MRAP2: variants seen among roughly 807,000 people sequenced by gnomAD.
MRAP2 encodes the protein melanocortin-2 receptor accessory protein 2.
A neutral mutation model predicts 17.4 loss-of-function variants in MRAP2; 20 were observed. The ratio of observed to expected loss-of-function variants is 1.15; its 90% CI spans 0.81 to 1.67. MRAP2 has a LOEUF of 1.67. MRAP2 is among the 40% of genes most tolerant of loss of function. MRAP2 has a pLI of 0.00. For synonymous variants in MRAP2, 96 were observed against 88.4 expected (o/e 1.09, Z -0.48); for missense variants, 238 against 240.0 (o/e 0.99, Z 0.05).
the MRAP2 span, among the ~76,000 whole-genome samples, chr6:84,140,538 T>G: frequency 6.6e-6 from 1 of 151,322 alleles, no homozygotes; most frequent in East Asian, 1.9e-4. Flanking sequence ...TTTTGTTTGT[T>G]TTTCGTAGAG....
At chr6:84,118,900 T>C in the MRAP2 span, among the ~76,000 whole-genome samples, 1 of 152,264 alleles carries the variant, frequency 6.6e-6, no homozygotes, top group Non-Finnish European at 1.5e-5. Flanking sequence ...TTCTTCTGCA[T>C]GTGGATATCT....
At chr6:84,134,334 C>T in the MRAP2 span, among the ~76,000 whole-genome samples, 30 of 152,222 alleles carry the variant, frequency 2.0e-4, no homozygotes, top group South Asian at 6.2e-4. Context: ...CACTTGGCTC[C>T]CTGGCTTCAA....
At chr6:84,105,769 G>C in the MRAP2 span, among the ~76,000 whole-genome samples, 1 of 152,022 alleles carries the variant, frequency 6.6e-6, no homozygotes, top group South Asian at 2.1e-4. Flanking sequence ...GGCATGAGGA[G>C]CCCAAAGTAG....
intron 1 of MRAP2, among the ~76,000 whole-genome samples, chr6:84,034,641 C>T (rs2099485501): frequency 6.6e-6 from 1 of 151,888 alleles, no homozygotes; most frequent in Non-Finnish European, 1.5e-5. Flanking sequence ...CACAGAATCT[C>T]AGCCACTACT....
chr6:84,124,879 T>G, the MRAP2 span: 1 of 587,378 alleles, frequency 1.7e-6, no homozygotes, highest in Non-Finnish European at 2.9e-6. Flanking sequence ...GTTAATGATT[T>G]TTAGTAAAAT....
At chr6:84,059,341 TG>T (rs899771765) in intron 2 of MRAP2, among the ~76,000 whole-genome samples, 1 of 152,160 alleles carries the variant, frequency 6.6e-6, no homozygotes, top group African/African-American at 2.4e-5. Context: ...GAGACAAGTG[TG>T]GGAACATCAC....
At chr6:84,094,862 A>AG (rs2099502397), downstream of MRAP2, among the ~76,000 whole-genome samples, 1 of 151,654 alleles carries the variant, frequency 6.6e-6, no homozygotes. Context: ...TGGCCAGATA[A>AG]TTTTTTTTCT....
intron 3 of MRAP2, among the ~76,000 whole-genome samples, chr6:84,077,770 G>A (rs1179168779): frequency 6.6e-6 from 1 of 152,036 alleles, no homozygotes; most frequent in Non-Finnish European, 1.5e-5. Context: ...TGGTCTAACT[G>A]GATAAACATA....
the MRAP2 span, chr6:84,124,628 A>G: frequency 4.9e-6 from 1 of 204,994 alleles, no homozygotes; most frequent in Non-Finnish European, 9.6e-6. Flanking sequence ...TGTTGGGTAC[A>G]GTGTTTAATA....
Position 84,089,088 on chromosome 6 carries a change from T to A in MRAP2, c.228-3T>A. On this transcript the variant is annotated splice_region_variant and splice_polypyrimidine_tract_variant and intron_variant, in intron 3 of 3. Transcript: ENST00000257776. ...CAGTCTTTTATTTTCTTTTTTTAAA[T>A]AGCAATGCAGAGTCCTCAGAGAAGA... 1 of 1,594,534 alleles carries A rather than the reference T, an allele frequency of 6.3e-7. No individual in the cohort carries two copies. Among genetic ancestry groups the A allele is most frequent in the Non-Finnish European group, 8.5e-7 (1 of 1,172,562 alleles).
the MRAP2 span, among the ~76,000 whole-genome samples, chr6:84,117,642 GGTGTGTGTCTGTGTGTGTGTGT>G: frequency 0.026 from 3,660 of 140,962 alleles, 141 homozygotes; most frequent in African/African-American, 0.1. Context: ...TTGGATGTGG[GGTGTGTGTCTGTGTGTGTGTGT>G]GTGTGTGTGT....
At chr6:84,100,611 A>G in the MRAP2 span, among the ~76,000 whole-genome samples, 32 of 152,146 alleles carry the variant, frequency 2.1e-4, no homozygotes, top group African/African-American at 7.2e-4. Flanking sequence ...GTTCTCCCTA[A>G]ATTCCACTCA....
chr6:84,046,329 T>G (rs2099489039), intron 1 of MRAP2, among the ~76,000 whole-genome samples: 1 of 152,152 alleles, frequency 6.6e-6, no homozygotes, highest in African/African-American at 2.4e-5. Flanking sequence ...GGAACCAGTT[T>G]AATGAAATTA....
chr6:84,141,253 ATT>A, the MRAP2 span, among the ~76,000 whole-genome samples: 954 of 150,680 alleles, frequency 6.3e-3, 4 homozygotes, highest in African/African-American at 0.022. Flanking sequence ...TCAAAAAATG[ATT>A]TTTTTTTTCA....
intron 1 of MRAP2, among the ~76,000 whole-genome samples, chr6:84,040,126 G>T (rs762664529): frequency 4.1e-4 from 62 of 152,160 alleles, no homozygotes; most frequent in Non-Finnish European, 6.3e-4. Flanking sequence ...TGAATCAGGG[G>T]GTTGGTTGCC....
intron 3 of MRAP2, among the ~76,000 whole-genome samples, chr6:84,071,186 A>G (rs545814084): frequency 6.6e-6 from 1 of 152,216 alleles, no homozygotes; most frequent in South Asian, 2.1e-4. Context: ...TGTGTGATTT[A>G]TGCTTTAAAG....
chr6:84,064,694 A>G (rs539636913), intron 3 of MRAP2, among the ~76,000 whole-genome samples: 51 of 152,246 alleles, frequency 3.3e-4, no homozygotes, highest in African/African-American at 7.5e-4. Flanking sequence ...TCACCATGTT[A>G]GCCAGGATGG....
chr6:84,034,811 G>C (rs2099485552), intron 1 of MRAP2, among the ~76,000 whole-genome samples: 1 of 152,106 alleles, frequency 6.6e-6, no homozygotes, highest in African/African-American at 2.4e-5. Flanking sequence ...TTTGCAGGTA[G>C]AGAAAATTAG....
the MRAP2 span, among the ~76,000 whole-genome samples, chr6:84,121,669 A>G: frequency 5.3e-5 from 8 of 152,286 alleles, no homozygotes; most frequent in South Asian, 1.7e-3. Context: ...CTGCACAAGT[A>G]CATAAAAACA....
Sources: gnomAD v4.1 joint callset for allele counts (sites outside exome capture counted in the v4.1 genomes callset) on GRCh38, gnomAD v4.1.1 for gene constraint, MANE v1.5 for transcripts, NCBI Gene and HGNC (gene_info 2026-07-23, HGNC 2026-07-21) for gene names.